The following SPMAP2L variants were observed in gnomAD, a reference collection of about 807,000 sequenced individuals.
SPMAP2L encodes sperm microtubule associated protein 2-like.
the SPMAP2L span, among the ~76,000 whole-genome samples, chr4:56,544,939 AGGT>A: frequency 3.9e-5 from 6 of 152,322 alleles, no homozygotes; most frequent in East Asian, 1.2e-3. Context: ...ACTGTCCGCA[AGGT>A]GGTGGCCAGC....
the SPMAP2L span, chr4:56,603,235 A>G: frequency 6.5e-7 from 1 of 1,534,696 alleles, no homozygotes; most frequent in Non-Finnish European, 8.7e-7. Flanking sequence ...GTGTATTATG[A>G]TCCAGATGTC....
chr4:56,546,807 A>C, the SPMAP2L span, among the ~76,000 whole-genome samples: 1 of 151,892 alleles, frequency 6.6e-6, no homozygotes, highest in Non-Finnish European at 1.5e-5. Context: ...TTGGTAATAC[A>C]TAAAAAGCCC....
chr4:56,618,260 A>G, the SPMAP2L span, among the ~76,000 whole-genome samples: 3 of 152,204 alleles, frequency 2.0e-5, no homozygotes, highest in African/African-American at 7.2e-5. Flanking sequence ...AAAAGAGTTT[A>G]CCAAGACAGT....
chr4:56,615,561 A>G, the SPMAP2L span, among the ~76,000 whole-genome samples: 1 of 152,156 alleles, frequency 6.6e-6, no homozygotes, highest in Admixed American at 6.5e-5. Context: ...GGCCTGGTCA[A>G]CATGGCGAAA....
chr4:56,594,960 G>T, the SPMAP2L span: 4 of 1,610,900 alleles, frequency 2.5e-6, no homozygotes, highest in Non-Finnish European at 3.4e-6. Flanking sequence ...CCTGGCATGG[G>T]GCCCATTGGC....
chr4:56,593,434 G>A, the SPMAP2L span: 65 of 1,499,090 alleles, frequency 4.3e-5, no homozygotes, highest in Admixed American at 2.3e-4. Context: ...AGATGTCAGC[G>A]GAGTGTTGTT....
the SPMAP2L span, among the ~76,000 whole-genome samples, chr4:56,557,267 A>AAAAAG: frequency 6.7e-6 from 1 of 150,002 alleles, no homozygotes; most frequent in African/African-American, 2.5e-5. Flanking sequence ...CAAAAAAAAA[A>AAAAAG]AAAAGAAAAG....
the SPMAP2L span, among the ~76,000 whole-genome samples, chr4:56,551,569 A>G: frequency 2.0e-5 from 3 of 152,086 alleles, no homozygotes; most frequent in East Asian, 5.8e-4. Flanking sequence ...TAGTATTTTT[A>G]TTCTATTTGT....
the SPMAP2L span, chr4:56,595,322 G>T: frequency 1.9e-6 from 3 of 1,610,958 alleles, no homozygotes; most frequent in African/African-American, 4.0e-5. Flanking sequence ...CAGGATTATG[G>T]ATTTCACGCC....
chr4:56,590,736 A>C, the SPMAP2L span, among the ~76,000 whole-genome samples: 3 of 152,214 alleles, frequency 2.0e-5, no homozygotes, highest in South Asian at 6.2e-4. Context: ...TTGTTTAATA[A>C]ATTGAATAAG....
the SPMAP2L span, among the ~76,000 whole-genome samples, chr4:56,584,110 G>A: frequency 6.6e-6 from 1 of 151,994 alleles, no homozygotes; most frequent in Non-Finnish European, 1.5e-5. Context: ...GGGACTACAG[G>A]CACATGCCAC....
the SPMAP2L span, among the ~76,000 whole-genome samples, chr4:56,592,306 G>T: frequency 6.6e-6 from 1 of 152,204 alleles, no homozygotes; most frequent in African/African-American, 2.4e-5. Context: ...CAAAAGGTTG[G>T]GGACCGCTGC....
the SPMAP2L span, among the ~76,000 whole-genome samples, chr4:56,618,932 A>C: frequency 2.0e-5 from 3 of 152,170 alleles, no homozygotes; most frequent in African/African-American, 7.2e-5. Context: ...GGCCATAAAG[A>C]AAAGCAGCCC....
At chr4:56,543,290 A>G in the SPMAP2L span, among the ~76,000 whole-genome samples, 106 of 152,196 alleles carry the variant, frequency 7.0e-4, 2 homozygotes, top group South Asian at 0.021. Context: ...TCACCGTGTT[A>G]GCCAGGATGG....
the SPMAP2L span, among the ~76,000 whole-genome samples, chr4:56,600,581 C>T: frequency 2.0e-5 from 3 of 152,170 alleles, no homozygotes; most frequent in Admixed American, 6.5e-5. Flanking sequence ...TAGCAACCAA[C>T]GCATCCAGCC....
the SPMAP2L span, among the ~76,000 whole-genome samples, chr4:56,577,056 A>G: frequency 6.6e-6 from 1 of 150,438 alleles, no homozygotes; most frequent in Non-Finnish European, 1.5e-5. Context: ...TAAAGCCAAG[A>G]TTTTCCTTAG....
the SPMAP2L span, among the ~76,000 whole-genome samples, chr4:56,576,095 G>A: frequency 2.6e-5 from 4 of 152,202 alleles, no homozygotes; most frequent in Admixed American, 2.0e-4. Flanking sequence ...ATGTTAGGTT[G>A]CATTAGTGGA....
At chr4:56,567,891 A>T in the SPMAP2L span, among the ~76,000 whole-genome samples, 1 of 151,914 alleles carries the variant, frequency 6.6e-6, no homozygotes, top group African/African-American at 2.4e-5. Context: ...TACAATTTTC[A>T]TCTAATTTGG....
chr4:56,573,196 G>T, the SPMAP2L span, among the ~76,000 whole-genome samples: 2 of 152,082 alleles, frequency 1.3e-5, no homozygotes, highest in African/African-American at 4.8e-5. Context: ...TATACAAGTT[G>T]ATTAATAGAA....
Sources: gnomAD v4.1 joint callset for allele counts (sites outside exome capture counted in the v4.1 genomes callset) on GRCh38, gnomAD v4.1.1 for gene constraint, MANE v1.5 for transcripts, NCBI Gene and HGNC (gene_info 2026-07-23, HGNC 2026-07-21) for gene names.